MTHFS: variants seen among roughly 807,000 people sequenced by gnomAD.
MTHFS encodes the protein methenyltetrahydrofolate synthetase.
A neutral mutation model predicts 12.7 loss-of-function variants in MTHFS; 7 were observed. The observed-to-expected ratio is 0.55, with a 90% CI of 0.31 to 1.03. The LOEUF (loss-of-function observed/expected upper bound fraction) is 1.03. Ranked by LOEUF, MTHFS falls within the 50% of genes least tolerant of loss-of-function variation. The pLI is 0.05. For synonymous variants in MTHFS, 100 were observed against 97.1 expected, an observed-to-expected ratio of 1.03 and a Z score of -0.18; for missense variants, 252 against 258.1, an observed-to-expected ratio of 0.98 and a Z score of 0.16.
chr15:79,885,768 A>G (rs1161635181), intron 2 of MTHFS, among the ~76,000 whole-genome samples: 2 of 152,230 alleles, frequency 1.3e-5, no homozygotes, highest in East Asian at 1.9e-4. Context: ...TAAGGATGCC[A>G]TGGAACCTAG....
chr15:79,865,310 C>T (rs921785700), intron 2 of MTHFS, among the ~76,000 whole-genome samples: 1 of 151,942 alleles, frequency 6.6e-6, no homozygotes, highest in Non-Finnish European at 1.5e-5. Context: ...GTGAAATGAA[C>T]AAAGGAAAAC....
At chr15:79,852,835 T>A (rs996555814) in intron 2 of MTHFS, among the ~76,000 whole-genome samples, 3 of 152,238 alleles carry the variant, frequency 2.0e-5, no homozygotes, top group Non-Finnish European at 4.4e-5. Flanking sequence ...AACCCAAGTG[T>A]ATTATGGGTT....
At chr15:79,873,684 C>T (rs1420653679) in intron 2 of MTHFS, among the ~76,000 whole-genome samples, 1 of 152,200 alleles carries the variant, frequency 6.6e-6, no homozygotes, top group Admixed American at 6.5e-5. Flanking sequence ...GTTCCCAGGC[C>T]CCCAGCTCAG....
intron 2 of MTHFS, among the ~76,000 whole-genome samples, chr15:79,888,476 C>T (rs74783375): frequency 0.028 from 4,326 of 152,152 alleles, 247 homozygotes; most frequent in African/African-American, 0.099. Flanking sequence ...GGAGAGGATG[C>T]AAGACATGGA....
At position 79,896,958 on chromosome 15, in the gene MTHFS, G is replaced by A; in HGVS notation, c.31C>T (p.Arg11Trp). ...TGCTTCAGCTCTCCCCGCAGGCTCCGCTTGGCGCTGCTCACCGCTGCCGCC... is the reference window on the plus strand; with the variant it reads ...TGCTTCAGCTCTCCCCGCAGGCTCCACTTGGCGCTGCTCACCGCTGCCGCC... Reference protein sequence around the residue: MAAAAVSSAKRSLRGELKQRL... With the variant: MAAAAVSSAKWSLRGELKQRL... The change falls in exon 1 of 3, where the codon CGG becomes TGG. Residue 11 changes from arginine (R) to tryptophan (W), a missense_variant. Arg to Trp is a moderately radical substitution (Grantham distance 101, BLOSUM62 -3). Transcript: ENST00000258874. 2 of 1,535,044 alleles carry A rather than the reference G, an allele frequency of 1.3e-6. No individual in the cohort carries two copies. Among genetic ancestry groups the A allele is most frequent in the Middle Eastern group, 4.1e-4 (2 of 4,866 alleles).
intron 2 of MTHFS, among the ~76,000 whole-genome samples, chr15:79,883,829 A>G (rs1244597903): frequency 6.6e-6 from 1 of 152,246 alleles, no homozygotes; most frequent in Non-Finnish European, 1.5e-5. Flanking sequence ...ATTCAAACTC[A>G]GATCAGTCTG....
chr15:79,896,677 C>T (rs2034576438), intron 1 of MTHFS, 195 bp downstream of exon 1: 1 of 1,040,254 alleles, frequency 9.6e-7, no homozygotes, highest in Non-Finnish European at 1.3e-6. Flanking sequence ...GGCCCTCTCC[C>T]CGCCATAGTG....
At chr15:79,861,207 T>TA (rs1466236154) in intron 2 of MTHFS, among the ~76,000 whole-genome samples, 1 of 152,204 alleles carries the variant, frequency 6.6e-6, no homozygotes, top group East Asian at 1.9e-4. Flanking sequence ...TGAAGGGGTT[T>TA]ACTCATGTCC....
chr15:79,891,589 T>C (rs753048366), intron 1 of MTHFS, among the ~76,000 whole-genome samples: 4 of 151,350 alleles, frequency 2.6e-5, no homozygotes, highest in Non-Finnish European at 5.9e-5. Flanking sequence ...ATAGGAAAAA[T>C]GAAAAAAATG....
chr15:79,855,007 A>G (rs2033775233), intron 2 of MTHFS, among the ~76,000 whole-genome samples: 1 of 152,186 alleles, frequency 6.6e-6, no homozygotes, highest in Non-Finnish European at 1.5e-5. Context: ...GATTTTGTAC[A>G]TAAAGTTTCA....
intron 2 of MTHFS, among the ~76,000 whole-genome samples, chr15:79,885,346 T>C (rs560539262): frequency 6.6e-6 from 1 of 152,304 alleles, no homozygotes; most frequent in South Asian, 2.1e-4. Flanking sequence ...AAGAAGATCA[T>C]AAGTTAAAAA....
At chr15:79,860,446 T>C (rs1160647931) in intron 2 of MTHFS, among the ~76,000 whole-genome samples, 1 of 151,622 alleles carries the variant, frequency 6.6e-6, no homozygotes, top group Non-Finnish European at 1.5e-5. Flanking sequence ...TAATGGTTAA[T>C]CTTTTAATAT....
At chr15:79,864,978 A>C (rs1259087095) in intron 2 of MTHFS, among the ~76,000 whole-genome samples, 1 of 152,214 alleles carries the variant, frequency 6.6e-6, no homozygotes, top group Non-Finnish European at 1.5e-5. Context: ...AACACCCCAA[A>C]AAAATAAACG....
chr15:79,854,996 T>C (rs2033774901), intron 2 of MTHFS, among the ~76,000 whole-genome samples: 1 of 152,190 alleles, frequency 6.6e-6, no homozygotes, highest in Admixed American at 6.5e-5. Flanking sequence ...GTCCACTGTA[T>C]GATTTTGTAC....
Position 79,889,152 on chromosome 15 carries a change from G to A in MTHFS, c.320C>T (p.Thr107Ile), listed in dbSNP as rs140052193. 1.2e-3 allele frequency: 1,945 copies of A among 1,614,178 alleles called. No homozygotes were observed. The highest frequency in any genetic ancestry group is 1.4e-3 in the Non-Finnish European group (1,692 of 1,180,028). The change falls in exon 2 of 3, where the codon ACA becomes ATA. Residue 107 changes from threonine (T) to isoleucine (I), a missense_variant. Transcript: ENST00000258874. ...SPEEISLLPK[T>I]SWNIPQPGEG... ...ACCAGGCTGAGGGATATTCCAGGAT[G>A]TTTTGGGAAGTAAAGAAATTTCCTC...
intron 2 of MTHFS, among the ~76,000 whole-genome samples, chr15:79,855,267 CTCTT>C (rs1215905608): frequency 6.6e-6 from 1 of 152,182 alleles, no homozygotes; most frequent in Non-Finnish European, 1.5e-5. Flanking sequence ...AATTTAAACT[CTCTT>C]TACTGCAGAT....
At chr15:79,861,772 T>C (rs2033917431) in intron 2 of MTHFS, among the ~76,000 whole-genome samples, 1 of 152,222 alleles carries the variant, frequency 6.6e-6, no homozygotes, top group South Asian at 2.1e-4. Flanking sequence ...GCTAAATCTA[T>C]ATGTGTTGCT....
chr15:79,884,044 T>C (rs2141372398), intron 2 of MTHFS, among the ~76,000 whole-genome samples: 1 of 152,332 alleles, frequency 6.6e-6, no homozygotes, highest in African/African-American at 2.4e-5. Flanking sequence ...GCACCTACTA[T>C]GTGCCAAACA....
intron 2 of MTHFS, among the ~76,000 whole-genome samples, chr15:79,858,404 G>T (rs936165990): frequency 2.0e-5 from 3 of 152,098 alleles, no homozygotes; most frequent in Non-Finnish European, 4.4e-5. Flanking sequence ...TATCAACCAC[G>T]AAAGGATGAG....
Sources: gnomAD v4.1 joint callset for allele counts (sites outside exome capture counted in the v4.1 genomes callset) on GRCh38, gnomAD v4.1.1 for gene constraint, MANE v1.5 for transcripts, NCBI Gene and HGNC (gene_info 2026-07-23, HGNC 2026-07-21) for gene names.